Variants in THSD7A observed in about 807,000 individuals in gnomAD.
The protein encoded by THSD7A is thrombospondin type 1 domain containing 7A.
A neutral mutation model predicts 231.3 loss-of-function variants in THSD7A; 96 were observed. The ratio of observed to expected loss-of-function variants is 0.41; its 90% confidence interval spans 0.35 to 0.49. The LOEUF is 0.49. Among genes scored for constraint, THSD7A ranks in the 20% least tolerant of loss-of-function variants. THSD7A has a pLI of 0.05. For missense variants in THSD7A, 2,290 were observed against 2,070.2 expected (o/e 1.11, Z -2.06); for synonymous variants, 940 against 743.3 (o/e 1.26, Z -4.30).
chr7:11,684,623 T>A (rs1779969265), intron 1 of THSD7A, among the ~76,000 whole-genome samples: 1 of 151,800 alleles, frequency 6.6e-6, no homozygotes. Flanking sequence ...AAGAATGCAA[T>A]CCCATTTACA....
rs1266258023 is a variant in THSD7A at position 11,372,324 on chromosome 7, C to T, written c.*3470G>A. 1 of 138,744 alleles carries T rather than the reference C, an allele frequency of 7.2e-6. No homozygotes were observed. The highest frequency in any genetic ancestry group is 2.0e-4 in the East Asian group (1 of 4,896). The allele number at this position is 138,744 out of a possible 1,614,324, so 8.6% of individuals were successfully genotyped here. A position where few individuals can be genotyped will look rare whatever the true frequency, so the allele number is the denominator to read the frequency against. On this transcript the variant is annotated 3_prime_UTR_variant, in exon 28 of 28. Transcript: ENST00000423059. ...TGTCTGTCTTAAGTACCTATGTATA[C>T]AAAAGCCATTACTTTTTTTTTTTTT...
intron 22 of THSD7A, among the ~76,000 whole-genome samples, chr7:11,405,201 T>C (rs1783542824): frequency 1.3e-5 from 2 of 150,242 alleles, no homozygotes; most frequent in African/African-American, 4.9e-5. Context: ...AGTGAATAAA[T>C]AGCTAGCCCA....
intron 4 of THSD7A, among the ~76,000 whole-genome samples, chr7:11,553,840 C>T (rs527609400): frequency 6.6e-6 from 1 of 151,698 alleles, no homozygotes; most frequent in Non-Finnish European, 1.5e-5. Context: ...TTAAGCTCTA[C>T]AAATGGAAAA....
chr7:11,524,273 T>G (rs1788384223), intron 6 of THSD7A, among the ~76,000 whole-genome samples: 1 of 152,054 alleles, frequency 6.6e-6, no homozygotes, highest in Non-Finnish European at 1.5e-5. Context: ...TGGCATACAT[T>G]CTAGATGTAT....
chr7:11,635,023 G>T (rs1014027163), intron 2 of THSD7A, among the ~76,000 whole-genome samples: 2 of 152,086 alleles, frequency 1.3e-5, no homozygotes, highest in Admixed American at 6.6e-5. Context: ...ATGCCACACA[G>T]TCCTATTTAG....
At position 11,379,674 on chromosome 7, in the gene THSD7A, A is replaced by G; in HGVS notation, c.4546T>C (p.Ser1516Pro). The change falls in exon 25 of 28, where the codon TCT becomes CCT. Residue 1516 changes from serine (S) to proline (P), a missense_variant. Coordinates refer to ENST00000423059, the MANE Select transcript of THSD7A (RefSeq NM_015204.3). ...GGTTGACTACACGGTGGGTTACAAG[A>G]CCTGTCGGCATCAGGCTGGCTCATC... Reference protein sequence around the residue: ...LVMSQPDADRSCNPPCSQPHS... With the variant: ...LVMSQPDADRPCNPPCSQPHS... 2 of 1,593,746 alleles carry G rather than the reference A, an allele frequency of 1.3e-6. No individual in the cohort carries two copies. Among genetic ancestry groups the G allele is most frequent in the Non-Finnish European group, 1.7e-6 (2 of 1,169,402 alleles).
chr7:11,428,875 T>C (rs1784398673), intron 14 of THSD7A, 72 bp downstream of exon 14: 1 of 1,515,306 alleles, frequency 6.6e-7, no homozygotes, highest in African/African-American at 1.4e-5. Context: ...TTTCCTCTTC[T>C]CCATTTTGGA....
chr7:11,408,218 GA>G (rs1783653763), intron 19 of THSD7A, among the ~76,000 whole-genome samples: 1 of 152,036 alleles, frequency 6.6e-6, no homozygotes, highest in Non-Finnish European at 1.5e-5. Context: ...ATTGAAATAG[GA>G]AAATGTTGGC....
At chr7:11,810,315 A>T (rs751431082) in intron 1 of THSD7A, among the ~76,000 whole-genome samples, 1 of 152,076 alleles carries the variant, frequency 6.6e-6, no homozygotes, top group Non-Finnish European at 1.5e-5. Context: ...AGTTTTGCAC[A>T]TCCTTTGGAG....
At chr7:11,783,325 A>G (rs1783690845) in intron 1 of THSD7A, among the ~76,000 whole-genome samples, 1 of 152,178 alleles carries the variant, frequency 6.6e-6, no homozygotes, top group South Asian at 2.1e-4. Flanking sequence ...ATTCTATAAT[A>G]AAGTGTTGCA....
At chr7:11,540,980 A>G (rs1247342282) in intron 6 of THSD7A, among the ~76,000 whole-genome samples, 1 of 152,178 alleles carries the variant, frequency 6.6e-6, no homozygotes, top group Non-Finnish European at 1.5e-5. Flanking sequence ...ACACGATATC[A>G]GGGAGGTTAA....
At chr7:11,711,676 T>G (rs1012356697) in intron 1 of THSD7A, among the ~76,000 whole-genome samples, 2 of 151,130 alleles carry the variant, frequency 1.3e-5, no homozygotes, top group African/African-American at 2.4e-5. Context: ...AAATTTCAAC[T>G]GGTTACTTCC....
chr7:11,477,035 CAATTA>C (rs1467346649), intron 7 of THSD7A, among the ~76,000 whole-genome samples: 1 of 152,020 alleles, frequency 6.6e-6, no homozygotes, highest in Non-Finnish European at 1.5e-5. Flanking sequence ...TATACATAAG[CAATTA>C]AATATTCAAA....
rs971645766 is a variant in THSD7A, at chr7:11,372,441, C to T, written c.*3353G>A. On this transcript the variant is annotated 3_prime_UTR_variant, in exon 28 of 28. Transcript: ENST00000423059. ...TTTGTTATAAGTAATTAAAAACAAG[C>T]TTTTATGCACTCTTTTTAAATTCAC... 5 of 150,602 alleles carry T rather than the reference C, an allele frequency of 3.3e-5. No individual in the cohort carries two copies. Among genetic ancestry groups the T allele is most frequent in the Admixed American group, 2.0e-4 (3 of 15,070 alleles). The allele number at this position is 150,602 out of a possible 1,614,324, so 9.3% of individuals were successfully genotyped here.
Position 11,636,223 on chromosome 7 carries a change from T to A in THSD7A, c.929A>T (p.Asn310Ile). 7 of 1,614,062 alleles carry A rather than the reference T, an allele frequency of 4.3e-6. No individual in the cohort carries two copies. Among genetic ancestry groups the A allele is most frequent in the Non-Finnish European group, 5.9e-6 (7 of 1,179,906 alleles). Residue 310 changes from asparagine to isoleucine, a missense_variant, in exon 2 of 28, where the codon AAC (asparagine) becomes ATC (isoleucine). Transcript: ENST00000423059. This position sits in a 1 kb window ranked among gnomAD's most constrained non-coding sequence, Gnocchi z 10.0. ...IKKKRNRNRQ[N>I]RQENKYWDIQ... ...GTCCCAATATTTGTTCTCTTGTCTG[T>A]TCTGCCTGTTTCTGTTTCTCTTTTT...
At chr7:11,412,224 G>A (rs1783810175) in intron 18 of THSD7A, among the ~76,000 whole-genome samples, 1 of 152,136 alleles carries the variant, frequency 6.6e-6, no homozygotes, top group South Asian at 2.1e-4. Context: ...TCTTTGGCAA[G>A]TTTAAGATTG....
chr7:11,803,652 G>T (rs1464136561), intron 1 of THSD7A, among the ~76,000 whole-genome samples: 2 of 152,120 alleles, frequency 1.3e-5, no homozygotes, highest in Non-Finnish European at 2.9e-5. Context: ...ACTTGGCTAT[G>T]CTAGATAAGA....
chr7:11,735,261 A>G (rs1372841647), intron 1 of THSD7A, among the ~76,000 whole-genome samples: 1 of 151,890 alleles, frequency 6.6e-6, no homozygotes, highest in African/African-American at 2.4e-5. Flanking sequence ...TTATAGTAAT[A>G]TAACATTTTA....
chr7:11,518,571 C>T (rs1302408150), intron 6 of THSD7A, among the ~76,000 whole-genome samples: 2 of 150,778 alleles, frequency 1.3e-5, no homozygotes, highest in East Asian at 2.0e-4. Flanking sequence ...TACAACAGAT[C>T]ATCCCTGTAG....
Sources: allele counts gnomAD v4.1 joint callset (sites outside exome capture counted in the v4.1 genomes callset), GRCh38; gene constraint gnomAD v4.1.1; non-coding constraint Gnocchi (gnomAD v3.1); transcripts MANE v1.5; gene names NCBI Gene and HGNC (gene_info 2026-07-23, HGNC 2026-07-21).